The following KALRN variants were observed in gnomAD, a reference collection of about 807,000 sequenced individuals.
KALRN encodes kalirin RhoGEF kinase.
In KALRN, 70 loss-of-function variants were observed where a neutral mutation model predicts 353.7. That is an observed-to-expected ratio of 0.20 (90% CI 0.16 to 0.24). The LOEUF is 0.24. Ranked by LOEUF, KALRN falls within the 10% of genes least tolerant of loss-of-function variation. KALRN has a pLI of 1.00. For missense variants in KALRN, 2,791 were observed against 3,756.7 expected, an observed-to-expected ratio of 0.74 and a Z score of 6.72; for synonymous variants, 1,391 against 1,434.8, an observed-to-expected ratio of 0.97 and a Z score of 0.69.
chr3:124,703,703 G>A (rs1008370603), intron 57 of KALRN, among the ~76,000 whole-genome samples: 3 of 152,180 alleles, frequency 2.0e-5, no homozygotes, highest in Non-Finnish European at 4.4e-5. Context: ...TGCAGTGGCA[G>A]TATCATAGCT....
intron 13 of KALRN, among the ~76,000 whole-genome samples, chr3:124,402,850 T>C (rs1025069889): frequency 3.3e-5 from 5 of 152,196 alleles, no homozygotes; most frequent in Non-Finnish European, 7.3e-5. Context: ...TCTTGAGAGA[T>C]CAGATTAGAT....
chr3:124,313,266 A>G (rs962172387), intron 6 of KALRN, among the ~76,000 whole-genome samples: 36 of 152,284 alleles, frequency 2.4e-4, no homozygotes, highest in African/African-American at 8.2e-4. Context: ...AAAGCCACTA[A>G]AAAGCAAACC....
chr3:124,478,272 TATGCCTAC>T (rs1481380801), intron 27 of KALRN, among the ~76,000 whole-genome samples: 1 of 152,232 alleles, frequency 6.6e-6, no homozygotes, highest in African/African-American at 2.4e-5. Flanking sequence ...TATCTGTCTA[TATGCCTAC>T]CTGTTTTCAT....
intron 34 of KALRN, among the ~76,000 whole-genome samples, chr3:124,598,966 C>T (rs1291309404): frequency 2.7e-5 from 4 of 148,138 alleles, no homozygotes; most frequent in African/African-American, 4.9e-5. Context: ...GTAGCCACCA[C>T]GCCTGGCCTC....
intron 13 of KALRN, among the ~76,000 whole-genome samples, chr3:124,405,795 C>G (rs369089615): frequency 1.3e-5 from 2 of 152,064 alleles, no homozygotes; most frequent in Admixed American, 6.6e-5. Context: ...AGGTGCCCAC[C>G]ACCACACCCG....
intron 3 of KALRN, among the ~76,000 whole-genome samples, chr3:124,256,116 A>C (rs933499301): frequency 2.0e-5 from 3 of 152,118 alleles, no homozygotes; most frequent in African/African-American, 7.2e-5. Flanking sequence ...CCAGAGAGAC[A>C]CTCTGGGATT....
intron 1 of KALRN, among the ~76,000 whole-genome samples, chr3:124,135,241 T>C (rs544263072): frequency 1.3e-5 from 2 of 152,290 alleles, no homozygotes; most frequent in South Asian, 4.1e-4. Context: ...CTGGATGAGA[T>C]TGGAGACTAT....
chr3:124,497,824 A>G (rs994754971), intron 33 of KALRN, among the ~76,000 whole-genome samples: 2 of 152,310 alleles, frequency 1.3e-5, no homozygotes, highest in African/African-American at 4.8e-5. Flanking sequence ...TATTAGTGTC[A>G]TGGTCCAGGG....
intron 33 of KALRN, chr3:124,519,257 A>C (rs990082178): frequency 4.9e-5 from 47 of 956,414 alleles, no homozygotes; most frequent in Non-Finnish European, 5.7e-5. Flanking sequence ...TTGAAACTAG[A>C]TGATGGTACG....
At chr3:124,546,284 A>G (rs1470057254) in intron 33 of KALRN, among the ~76,000 whole-genome samples, 1 of 85,886 alleles carries the variant, frequency 1.2e-5, no homozygotes, top group African/African-American at 6.3e-5. Flanking sequence ...TGAGACCCCC[A>G]TCTCTCAAAA....
intron 33 of KALRN, among the ~76,000 whole-genome samples, chr3:124,538,244 TTGTG>T (rs998651537): frequency 5.8e-5 from 8 of 137,738 alleles, no homozygotes; most frequent in Admixed American, 2.8e-4. Flanking sequence ...CAAAGAGTGT[TTGTG>T]TGTGTGTGTG....
chr3:124,359,211 G>T (rs1205363967), intron 10 of KALRN, among the ~76,000 whole-genome samples: 2 of 152,150 alleles, frequency 1.3e-5, no homozygotes, highest in Non-Finnish European at 2.9e-5. Context: ...TTCTCTGCCT[G>T]TCCTCTGGTG....
At chr3:124,642,806 G>GTTTCTTTGTTGTTGTTGTTT (rs2082196587) in intron 37 of KALRN, among the ~76,000 whole-genome samples, 1 of 96,840 alleles carries the variant, frequency 1.0e-5, no homozygotes, top group African/African-American at 4.5e-5. Flanking sequence ...CCCAAGCCTC[G>GTTTCTTTGTTGTTGTTGTTT]TTTTTTTTTT....
chr3:124,540,345 G>T (rs111245833), intron 33 of KALRN, among the ~76,000 whole-genome samples: 1 of 152,010 alleles, frequency 6.6e-6, no homozygotes, highest in East Asian at 1.9e-4. Context: ...GTAGCCATGC[G>T]CCCAGGTCTA....
At chr3:124,582,633 G>A (rs62267588) in intron 34 of KALRN, among the ~76,000 whole-genome samples, 37,920 of 152,148 alleles carry the variant, frequency 0.25, 4,890 homozygotes, top group East Asian at 0.33. Context: ...AAATGAGATA[G>A]TATATGGAGA....
intron 47 of KALRN, among the ~76,000 whole-genome samples, chr3:124,669,990 GAC>G (rs2086198407): frequency 7.4e-6 from 1 of 135,196 alleles, no homozygotes; most frequent in Admixed American, 7.7e-5. Flanking sequence ...CTTTTTTTGA[GAC>G]AGAGTCTCGC....
chr3:124,583,031 G>A (rs1167754249), intron 34 of KALRN, among the ~76,000 whole-genome samples: 1 of 152,112 alleles, frequency 6.6e-6, no homozygotes, highest in Non-Finnish European at 1.5e-5. Context: ...CAAGTGATCT[G>A]CCTTGGCCTC....
At chr3:124,449,486 C>A (rs966670194) in intron 21 of KALRN, among the ~76,000 whole-genome samples, 1 of 152,168 alleles carries the variant, frequency 6.6e-6, no homozygotes, top group Non-Finnish European at 1.5e-5. Flanking sequence ...GGTCAAGGCA[C>A]ACGGAGATGG....
At chr3:124,163,253 G>A (rs2070287833) in intron 1 of KALRN, 3 of 152,248 alleles carry the variant, frequency 2.0e-5, no homozygotes, top group Admixed American at 2.0e-4. Context: ...ACAGGCAATG[G>A]AAGCATCCAT....
Sources: allele counts gnomAD v4.1 joint callset (sites outside exome capture counted in the v4.1 genomes callset), GRCh38; gene constraint gnomAD v4.1.1; transcripts MANE v1.5; gene names NCBI Gene and HGNC (gene_info 2026-07-23, HGNC 2026-07-21).